The following FER variants were observed in gnomAD, a reference collection of about 807,000 sequenced individuals.
FER encodes FER tyrosine kinase.
Under a neutral mutation model 111.0 loss-of-function variants are expected in FER, and 63 were observed. The ratio of observed to expected loss-of-function variants is 0.57; its 90% CI spans 0.46 to 0.70. The LOEUF (loss-of-function observed/expected upper bound fraction) is 0.70. Among genes scored for constraint, FER ranks in the 30% least tolerant of loss-of-function variants. The pLI is 0.00. For missense variants in FER, 914 were observed against 954.0 expected (o/e 0.96, Z 0.55); for synonymous variants, 327 against 313.9 (o/e 1.04, Z -0.44).
intron 16 of FER, among the ~76,000 whole-genome samples, chr5:109,092,360 C>T (rs1341547106): frequency 7.2e-6 from 1 of 139,678 alleles, no homozygotes; most frequent in Non-Finnish European, 1.5e-5. Flanking sequence ...GTTTACAAAC[C>T]ACATATCTGA....
chr5:109,034,420 T>G (rs1028075690), intron 13 of FER, among the ~76,000 whole-genome samples: 1 of 151,998 alleles, frequency 6.6e-6, no homozygotes, highest in Non-Finnish European at 1.5e-5. Context: ...CAGTGTGGTA[T>G]GTTTGGGGTT....
intron 16 of FER, among the ~76,000 whole-genome samples, chr5:109,096,604 C>T (rs558119011): frequency 6.6e-6 from 1 of 152,040 alleles, no homozygotes; most frequent in Admixed American, 6.6e-5. Flanking sequence ...TGGCACTTCT[C>T]TCAAAAAATA....
At chr5:109,051,792 C>T (rs1273960356) in intron 16 of FER, 2 of 1,596,046 alleles carry the variant, frequency 1.3e-6, no homozygotes, top group South Asian at 1.1e-5. Flanking sequence ...CAATGATATT[C>T]AAGGCCAGGG....
intron 13 of FER, among the ~76,000 whole-genome samples, chr5:108,979,734 G>T (rs1197075750): frequency 1.3e-5 from 2 of 149,846 alleles, no homozygotes; most frequent in East Asian, 1.9e-4. Context: ...GGGCCATGAG[G>T]CATTGTCTCC....
At chr5:109,012,134 G>A (rs1231686070) in intron 13 of FER, among the ~76,000 whole-genome samples, 1 of 152,154 alleles carries the variant, frequency 6.6e-6, no homozygotes, top group African/African-American at 2.4e-5. Flanking sequence ...TTTACTTATT[G>A]TGAAGAGGTG....
At chr5:108,848,485 TTTTA>T (rs1174034698) in intron 5 of FER, among the ~76,000 whole-genome samples, 1 of 152,154 alleles carries the variant, frequency 6.6e-6, no homozygotes, top group African/African-American at 2.4e-5. Context: ...AGCTCTAATG[TTTTA>T]TTTTATTTTG....
intron 17 of FER, among the ~76,000 whole-genome samples, chr5:109,133,037 T>C (rs1253903920): frequency 6.6e-6 from 1 of 152,168 alleles, no homozygotes; most frequent in South Asian, 2.1e-4. Flanking sequence ...GTATAAGTCA[T>C]TGTAGAAGAT....
chr5:108,980,638 T>G (rs893118394), intron 13 of FER, among the ~76,000 whole-genome samples: 1 of 152,100 alleles, frequency 6.6e-6, no homozygotes, highest in African/African-American at 2.4e-5. Context: ...CTTTGCAAGA[T>G]CAAAGGAAGC....
chr5:109,170,765 C>CT (rs1361636599), intron 17 of FER, among the ~76,000 whole-genome samples: 1 of 152,172 alleles, frequency 6.6e-6, no homozygotes, highest in Non-Finnish European at 1.5e-5. Context: ...AATCTTTTAA[C>CT]TTACCCTCTG....
intron 10 of FER, among the ~76,000 whole-genome samples, chr5:108,898,146 C>G (rs184844052): frequency 6.6e-6 from 1 of 152,000 alleles, no homozygotes; most frequent in Non-Finnish European, 1.5e-5. Flanking sequence ...GGGTCTTATT[C>G]TTAAGAGAGA....
chr5:109,084,691 A>T (rs1777361762), intron 16 of FER, among the ~76,000 whole-genome samples: 2 of 151,918 alleles, frequency 1.3e-5, no homozygotes, highest in South Asian at 2.1e-4. Context: ...ATACTCCAAG[A>T]TCACAAATAT....
intron 2 of FER, among the ~76,000 whole-genome samples, chr5:108,793,412 A>C (rs185937393): frequency 1.3e-3 from 199 of 151,786 alleles, no homozygotes; most frequent in African/African-American, 4.3e-3. Flanking sequence ...CTGTTGATGG[A>C]CACTTAGGTT....
At position 108,841,517 on chromosome 5, in the gene FER, T is replaced by C. The variant is rs931177742; in HGVS notation, c.481+5710T>C. Reference sequence around the variant, plus strand: ...CTCTTAGGAGACATCGAGAGGTTTGTTGGGGGCTCTGGCAAATATGGGGAA... The same window carrying C: ...CTCTTAGGAGACATCGAGAGGTTTGCTGGGGGCTCTGGCAAATATGGGGAA... On this transcript the variant is annotated intron_variant, in intron 5 of 19. Transcript: ENST00000281092. Among the ~76,000 whole-genome samples, 4 of 152,204 alleles carry C rather than the reference T, an allele frequency of 2.6e-5. No individual in the cohort carries two copies. The East Asian group carries it at 7.7e-4, about 29-fold the overall frequency.
At chr5:108,755,869 C>T (rs150886809) in intron 1 of FER, among the ~76,000 whole-genome samples, 109 of 151,304 alleles carry the variant, frequency 7.2e-4, no homozygotes, top group African/African-American at 2.5e-3. Context: ...TATACAGTAT[C>T]AGCCGGGCAC....
chr5:108,993,105 A>G (rs1280339401), intron 13 of FER, among the ~76,000 whole-genome samples: 3 of 145,130 alleles, frequency 2.1e-5, no homozygotes, highest in Admixed American at 1.4e-4. Context: ...TGGGCGGCCA[A>G]GCAGAGAGGC....
Position 109,180,900 on chromosome 5 carries a change from T to C in FER, c.2202T>C (p.Tyr734=), listed in dbSNP as rs753934937. ...IKWTAPEALN[Y]GRYSSESDVW... ...GGACAGCACCGGAAGCTCTTAATTA[T>C]GGTAAGAATAGACCACATTTTTTTT... Residue 734 remains tyrosine (Y), a splice_region_variant and synonymous_variant, in exon 18 of 20, where the codon TAT becomes TAC. Transcript: ENST00000281092. The C allele has an allele frequency of 1.9e-6, 3 of 1,596,608 alleles. No homozygotes were observed. Among genetic ancestry groups the C allele is most frequent in the Non-Finnish European group, 2.6e-6 (3 of 1,175,026 alleles).
At chr5:109,146,253 A>ATATAT (rs1491409370) in intron 17 of FER, among the ~76,000 whole-genome samples, 5 of 42,130 alleles carry the variant, frequency 1.2e-4, no homozygotes, top group African/African-American at 2.7e-4. Flanking sequence ...TAATCTATCT[A>ATATAT]ATATATATAT....
At chr5:108,949,215 T>C (rs1041250253) in intron 11 of FER, among the ~76,000 whole-genome samples, 1 of 152,122 alleles carries the variant, frequency 6.6e-6, no homozygotes, top group African/African-American at 2.4e-5. Context: ...GCTATTTTCA[T>C]GCATGATGTG....
At chr5:109,104,362 A>G (rs1196763958) in intron 17 of FER, among the ~76,000 whole-genome samples, 1 of 152,224 alleles carries the variant, frequency 6.6e-6, no homozygotes, top group Non-Finnish European at 1.5e-5. Context: ...GATGGATAGA[A>G]CAAAAGTTAA....
Sources: allele counts gnomAD v4.1 joint callset (sites outside exome capture counted in the v4.1 genomes callset), GRCh38; gene constraint gnomAD v4.1.1; transcripts MANE v1.5; gene names NCBI Gene and HGNC (gene_info 2026-07-23, HGNC 2026-07-21).